The following OPCML variants were observed in gnomAD, a reference collection of about 807,000 sequenced individuals.
OPCML encodes the protein opioid-binding protein/cell adhesion molecule.
Under a neutral mutation model 37.8 loss-of-function variants are expected in OPCML, and 13 were observed. That is an observed-to-expected ratio of 0.34 (90% confidence interval 0.22 to 0.55). The LOEUF is 0.55. OPCML is among the 20% of genes least tolerant of loss of function. OPCML has a pLI of 0.91. For missense variants in OPCML, 341 were observed against 435.6 expected (o/e 0.78, Z 1.93); for synonymous variants, 176 against 168.8 (o/e 1.04, Z -0.33).
intron 1 of OPCML, among the ~76,000 whole-genome samples, chr11:133,093,912 C>A (rs1948955802): frequency 6.6e-6 from 1 of 152,008 alleles, no homozygotes; most frequent in African/African-American, 2.4e-5. Context: ...TAATTTTAAT[C>A]TTTGAGGAAA....
chr11:132,914,900 T>C (rs1944555439), intron 2 of OPCML, among the ~76,000 whole-genome samples: 1 of 152,252 alleles, frequency 6.6e-6, no homozygotes, highest in Admixed American at 6.5e-5. Flanking sequence ...GAGCTCCTGA[T>C]GCTGCTCCCT....
chr11:133,193,650 AT>A (rs1938415332), intron 1 of OPCML, among the ~76,000 whole-genome samples: 1 of 152,188 alleles, frequency 6.6e-6, no homozygotes, highest in Non-Finnish European at 1.5e-5. Flanking sequence ...ACCCATTTAT[AT>A]TTGTATACTG....
At chr11:132,535,669 C>T (rs149599591) in intron 3 of OPCML, among the ~76,000 whole-genome samples, 2 of 152,272 alleles carry the variant, frequency 1.3e-5, no homozygotes, top group East Asian at 3.9e-4. Context: ...CAGGGCCAGA[C>T]CCAGTGAGAG....
intron 3 of OPCML, among the ~76,000 whole-genome samples, chr11:132,551,647 G>A (rs1321101728): frequency 6.6e-6 from 1 of 152,122 alleles, no homozygotes; most frequent in East Asian, 1.9e-4. Context: ...ATCTGATCTT[G>A]TAGCCCCTCC....
At chr11:133,459,058 A>ATTT (rs1946797298) in intron 1 of OPCML, among the ~76,000 whole-genome samples, 1 of 152,096 alleles carries the variant, frequency 6.6e-6, no homozygotes, top group African/African-American at 2.4e-5. Flanking sequence ...ATAAAGATGT[A>ATTT]ATTTGTGACC....
intron 1 of OPCML, among the ~76,000 whole-genome samples, chr11:133,091,488 C>T (rs1038261482): frequency 6.6e-6 from 1 of 152,204 alleles, no homozygotes; most frequent in Non-Finnish European, 1.5e-5. Flanking sequence ...CCAGCAAAGC[C>T]GTGGAGGTGA....
intron 2 of OPCML, among the ~76,000 whole-genome samples, chr11:132,900,852 C>A (rs1591776245): frequency 6.6e-6 from 1 of 152,302 alleles, no homozygotes; most frequent in South Asian, 2.1e-4. Flanking sequence ...TCCATTCAAT[C>A]CACTAGCGCC....
chr11:133,300,182 T>G (rs2136563459), intron 1 of OPCML: 1 of 152,224 alleles, frequency 6.6e-6, no homozygotes, highest in Non-Finnish European at 1.5e-5. Context: ...TGAAGGATCA[T>G]GGAGGTGTAA....
At chr11:133,303,575 C>T (rs965541691) in intron 1 of OPCML, among the ~76,000 whole-genome samples, 6 of 152,200 alleles carry the variant, frequency 3.9e-5, no homozygotes, top group Admixed American at 2.6e-4. Flanking sequence ...TAATAACTTG[C>T]ATCACAATGG....
chr11:133,454,432 G>C (rs967891235), intron 1 of OPCML, among the ~76,000 whole-genome samples: 1 of 152,148 alleles, frequency 6.6e-6, no homozygotes, highest in Non-Finnish European at 1.5e-5. Flanking sequence ...ATGATCTATA[G>C]TTTTTCCCCC....
intron 2 of OPCML, among the ~76,000 whole-genome samples, chr11:132,684,959 C>T (rs1390508273): frequency 6.6e-6 from 1 of 152,226 alleles, no homozygotes; most frequent in Non-Finnish European, 1.5e-5. Flanking sequence ...TCTGTACCCA[C>T]TAAAAGCTCT....
At chr11:132,722,500 C>A (rs1944709901) in intron 2 of OPCML, among the ~76,000 whole-genome samples, 1 of 152,072 alleles carries the variant, frequency 6.6e-6, no homozygotes, top group Admixed American at 6.5e-5. Flanking sequence ...CCAGGGAGAG[C>A]CACAGAAATG....
intron 2 of OPCML, among the ~76,000 whole-genome samples, chr11:132,701,999 G>A (rs970386625): frequency 4.6e-5 from 7 of 151,938 alleles, no homozygotes; most frequent in Admixed American, 6.5e-5. Context: ...CACAATTTAC[G>A]TATTTTATAG....
intron 2 of OPCML, among the ~76,000 whole-genome samples, chr11:132,764,933 T>C (rs1481831425): frequency 1.3e-5 from 2 of 152,254 alleles, no homozygotes; most frequent in Non-Finnish European, 2.9e-5. Context: ...ACAGCCGGCA[T>C]AGCTCAGGCA....
intron 1 of OPCML, among the ~76,000 whole-genome samples, chr11:133,037,278 G>A (rs757719415): frequency 2.0e-5 from 3 of 152,152 alleles, no homozygotes; most frequent in Non-Finnish European, 4.4e-5. Flanking sequence ...ATCTCAATAC[G>A]TAAGAGTTAT....
At chr11:133,510,006 T>C (rs76544108) in intron 1 of OPCML, among the ~76,000 whole-genome samples, 10,353 of 152,158 alleles carry the variant, frequency 0.068, 1,189 homozygotes, top group African/African-American at 0.24. Flanking sequence ...TGAGGCCATG[T>C]GGGGAAGTCT....
intron 4 of OPCML, among the ~76,000 whole-genome samples, chr11:132,481,634 C>A (rs1020403028): frequency 1.1e-4 from 16 of 151,452 alleles, no homozygotes; most frequent in Non-Finnish European, 1.9e-4. Flanking sequence ...CAGCACCACA[C>A]CACACCTATT....
intron 1 of OPCML, among the ~76,000 whole-genome samples, chr11:133,405,852 CTTAG>C (rs1756651186): frequency 6.6e-6 from 1 of 152,166 alleles, no homozygotes; most frequent in Non-Finnish European, 1.5e-5. Flanking sequence ...CAATCTGCCA[CTTAG>C]TTAAAGAGTT....
chr11:133,140,730 C>T (rs796185671), intron 1 of OPCML, among the ~76,000 whole-genome samples: 3 of 26,600 alleles, frequency 1.1e-4, no homozygotes, highest in Non-Finnish European at 2.3e-4. Flanking sequence ...CGGAAGACGA[C>T]GACGACGACG....
Sources: gnomAD v4.1 joint callset for allele counts (sites outside exome capture counted in the v4.1 genomes callset) on GRCh38, gnomAD v4.1.1 for gene constraint, MANE v1.5 for transcripts, NCBI Gene and HGNC (gene_info 2026-07-23, HGNC 2026-07-21) for gene names.